Variants in TUBA1B observed in about 807,000 individuals in gnomAD.
TUBA1B encodes the protein tubulin alpha 1b, also known as tubulin alpha-1B chain.
A neutral mutation model predicts 34.4 loss-of-function variants in TUBA1B; 1 was observed. That is an observed-to-expected ratio of 0.03 (90% CI 0.01 to 0.14). TUBA1B has a LOEUF of 0.14. Among genes scored for constraint, TUBA1B ranks in the 10% least tolerant of loss-of-function variants. TUBA1B has a pLI of 1.00. For missense variants in TUBA1B, 54 were observed against 583.6 expected, an observed-to-expected ratio of 0.09 and a Z score of 9.35; for synonymous variants, 197 against 212.5, an observed-to-expected ratio of 0.93 and a Z score of 0.64.
chr12:49,128,720 A>C lies in TUBA1B; in HGVS notation c.594T>G (p.Ser198=). The change falls in exon 4 of 4, where the codon TCT becomes TCG. Residue 198 remains serine (S), a synonymous_variant. Transcript: ENST00000336023. The surrounding 1 kb of genome is among the most constrained non-coding windows in gnomAD (Gnocchi z 8.1). The part of the protein sequence containing the change: ...ILTTHTTLEH[S]DCAFMVDNEA... ...CATTGTCTACCATGAAGGCACAATC[A>C]GAGTGCTCCAGGGTGGTGTGGGTGG... 2 of 1,609,108 alleles carry C rather than the reference A, an allele frequency of 1.2e-6. No homozygotes were observed. Among genetic ancestry groups the C allele is most frequent in the Non-Finnish European group, 1.7e-6 (2 of 1,177,768 alleles).
At chr12:49,129,939 C>G (rs1941782440) in intron 1 of TUBA1B, 1 of 1,043,326 alleles carries the variant, frequency 9.6e-7, no homozygotes, top group African/African-American at 1.6e-5. Context: ...GACCACCAAG[C>G]TGGCTAATTT....
At chr12:49,129,413 G>A in intron 2 of TUBA1B, 23 bp from the exon 3 acceptor site, 1 of 1,614,154 alleles carries the variant, frequency 6.2e-7, no homozygotes, top group Non-Finnish European at 8.5e-7. Context: ...GAGAAGGACG[G>A]AGGGAGTGAG....
At chr12:49,130,269 C>T (rs1259481160) in intron 1 of TUBA1B, 3 of 1,289,016 alleles carry the variant, frequency 2.3e-6, no homozygotes, top group African/African-American at 3.0e-5. Flanking sequence ...CATTTCCGGG[C>T]AGCTCCTAGC....
chr12:49,130,009 G>T, intron 1 of TUBA1B: 1 of 1,108,924 alleles, frequency 9.0e-7, no homozygotes, highest in Non-Finnish European at 1.2e-6. Context: ...CACGTAATCT[G>T]AAAACGAATT....
At position 49,128,153 on chromosome 12, in the gene TUBA1B, G is replaced by A. The variant is rs1193734596; in HGVS notation, c.1161C>T (p.Ala387=). The change falls in exon 4 of 4, where the codon GCC becomes GCT. Residue 387 remains alanine (A), a synonymous_variant. Coordinates refer to ENST00000336023, the MANE Select transcript of TUBA1B (RefSeq NM_006082.3). The surrounding 1 kb of genome is among the most constrained non-coding windows in gnomAD (Gnocchi z 8.1). The part of the protein sequence containing the change: ...MLSNTTAIAE[A]WARLDHKFDL... ...CAAACTTGTGGTCCAGGCGAGCCCA[G>A]GCCTCAGCAATGGCTGTGGTGTTGC... The A allele has an allele frequency of 6.2e-7, 1 of 1,614,182 alleles. No homozygotes were observed. The highest frequency in any genetic ancestry group is 1.7e-5 in the Admixed American group (1 of 60,008).
In TUBA1B at chr12:49,129,738, AAG is replaced by A. The variant is rs778673086; in HGVS notation, c.4-18_4-17del. On this transcript the variant is annotated splice_polypyrimidine_tract_variant and intron_variant, in intron 1 of 3. Transcript: ENST00000336023. ...TGCACTCACGCTGCGGGAAGGAAAA[AAG>A]ATATCACAATTTAAACCAATCTATT... 5.4e-4 allele frequency: 866 copies of A among 1,597,982 alleles called. 1 individual carries two copies. The highest frequency in any genetic ancestry group is 6.9e-4 in the Non-Finnish European group (810 of 1,172,672).
At position 49,129,582 on chromosome 12, in the gene TUBA1B, G is replaced by A. The variant is rs11546621; in HGVS notation, c.144C>T (p.Ser48=). 3.1e-6 allele frequency: 5 copies of A among 1,614,078 alleles called. No individual in the cohort carries two copies. In the East Asian group the frequency reaches 1.1e-4, roughly 36 times the overall value. ...CCGTCTCACTGAAGAAGGTGTTGAA[G>A]GAGTCATCTCCTCCCCCAATGGTCT... ...SDKTIGGGDD[S]FNTFFSETGA... Residue 48 remains serine, a synonymous_variant, in exon 2 of 4, where the codon TCC becomes TCT. Coordinates refer to ENST00000336023, the MANE Select transcript of TUBA1B (RefSeq NM_006082.3).
rs1304104568 is a variant in TUBA1B at position 49,131,310 on chromosome 12, G to A, written c.-10C>T. 2.4e-5 allele frequency: 38 copies of A among 1,611,086 alleles called. No individual in the cohort carries two copies. The highest frequency in any genetic ancestry group is 3.1e-5 in the Non-Finnish European group (36 of 1,178,908). ...ACGGCTTACTCACCATAGTGGCTAG[G>A]GATTAGGAGGCGAAGGCGACAGGAG... On this transcript the variant is annotated 5_prime_UTR_variant, in exon 1 of 4. Coordinates refer to ENST00000336023, the MANE Select transcript of TUBA1B (RefSeq NM_006082.3).
chr12:49,129,041 G>T, intron 3 of TUBA1B, 103 bp from the exon 4 acceptor site: 1 of 1,520,428 alleles, frequency 6.6e-7, no homozygotes, highest in East Asian at 2.3e-5. Context: ...ACTGATGTAA[G>T]CACAAGGAAT....
chr12:49,128,971 T>A lies in TUBA1B; in HGVS notation c.376-33A>T. 1 of 1,565,562 alleles carries A rather than the reference T, an allele frequency of 6.4e-7. No individual in the cohort carries two copies. The highest frequency in any genetic ancestry group is 8.6e-7 in the Non-Finnish European group (1 of 1,159,964). On this transcript the variant is annotated intron_variant, in intron 3 of 3. Coordinates refer to ENST00000336023, the MANE Select transcript of TUBA1B (RefSeq NM_006082.3). The surrounding 1 kb of genome is among the most constrained non-coding windows in gnomAD (Gnocchi z 8.1). Reference sequence around the variant, plus strand: ...GGAATAAAAAAATGTAATATTTTAATGCCAGGACACATTATCTTAGAATTT... The same window carrying A: ...GGAATAAAAAAATGTAATATTTTAAAGCCAGGACACATTATCTTAGAATTT...
At chr12:49,129,415 G>A in intron 2 of TUBA1B, 25 bp from the exon 3 acceptor site, 1 of 1,614,090 alleles carries the variant, frequency 6.2e-7, no homozygotes, top group Non-Finnish European at 8.5e-7. Context: ...GAAGGACGGA[G>A]GGAGTGAGTG....
intron 1 of TUBA1B, chr12:49,130,592 C>G: frequency 8.6e-6 from 3 of 349,300 alleles, no homozygotes; most frequent in South Asian, 4.2e-5. Flanking sequence ...CCACCACCTG[C>G]TCCCCTGAAT....
At chr12:49,130,397 G>A (rs1015753975) in intron 1 of TUBA1B, 8 of 1,281,542 alleles carry the variant, frequency 6.2e-6, no homozygotes, top group Non-Finnish European at 8.1e-6. Context: ...GCGCCCCCCG[G>A]CGGTGCTGCA....
chr12:49,130,946 A>C (rs1941798893), intron 1 of TUBA1B: 1 of 217,648 alleles, frequency 4.6e-6, no homozygotes, highest in South Asian at 8.5e-5. Flanking sequence ...CGTCCACCCA[A>C]GGCGGAGTAA....
At position 49,131,246 on chromosome 12, in the gene TUBA1B, T is replaced by C. The variant is rs1167834829; in HGVS notation, c.3+52A>G. ...TACAGGGCCCCAGCGCCCCGCCGGC[T>C]CGCTTTTCCCTGCTTCCCTGAAAGC... On this transcript the variant is annotated intron_variant, in intron 1 of 3. Coordinates refer to ENST00000336023, the MANE Select transcript of TUBA1B (RefSeq NM_006082.3). 8.2e-6 allele frequency: 13 copies of C among 1,586,132 alleles called. No individual in the cohort carries two copies. In the East Asian group the frequency reaches 2.0e-4, roughly 25 times the overall value.
At chr12:49,131,187 C>T in intron 1 of TUBA1B, 111 bp downstream of exon 1, 1 of 1,395,238 alleles carries the variant, frequency 7.2e-7, no homozygotes. Context: ...GCCCTCCAAA[C>T]GGACGGCTCT....
chr12:49,129,504 G>A lies in TUBA1B; in HGVS notation c.222C>T (p.Val74=), dbSNP rs1941777194. 1 of 1,614,090 alleles carries A rather than the reference G, an allele frequency of 6.2e-7. No homozygotes were observed. Among genetic ancestry groups the A allele is most frequent in the Non-Finnish European group, 8.5e-7 (1 of 1,180,050 alleles). ...RAVFVDLEPT[V]IDEVRTGTYR... is the part of the protein sequence containing the mutation. ...AGGTTACTGAGGTCAACTCACCAAT[G>A]ACTGTGGGTTCCAAGTCTACAAACA... The change falls in exon 2 of 4, where the codon GTC becomes GTT. Residue 74 remains valine (V), a synonymous_variant. Coordinates refer to ENST00000336023, the MANE Select transcript of TUBA1B (RefSeq NM_006082.3).
intron 3 of TUBA1B, 98 bp from the exon 4 acceptor site, chr12:49,129,036 T>C (rs774333970): frequency 7.2e-5 from 109 of 1,523,964 alleles, no homozygotes; most frequent in Non-Finnish European, 8.8e-5. Context: ...ATCTCACTGA[T>C]GTAAGCACAA....
Position 49,130,069 on chromosome 12 carries a change from CT to C in TUBA1B, c.4-348del, listed in dbSNP as rs1034441817. 3.3e-6 allele frequency: 4 copies of C among 1,198,028 alleles called. No individual in the cohort carries two copies. The African/African-American group carries it at 4.7e-5, about 14-fold the overall frequency. The allele number at this position is 1,198,028 out of a possible 1,614,324, so 74.2% of individuals were successfully genotyped here. A position where few individuals can be genotyped will look rare whatever the true frequency, so the allele number is the denominator to read the frequency against. ...AAAGATCCTTTTCTAAGATGTACTA[CT>C]TTTGAGAACAGCTACACTATAGTCT... On this transcript the variant is annotated intron_variant, in intron 1 of 3. Transcript: ENST00000336023.
Sources: allele counts gnomAD v4.1 joint callset, GRCh38; gene constraint gnomAD v4.1.1; non-coding constraint Gnocchi (gnomAD v3.1); transcripts MANE v1.5; gene names NCBI Gene and HGNC (gene_info 2026-07-23, HGNC 2026-07-21).